The following FDX1 variants were observed in gnomAD, a reference collection of about 807,000 sequenced individuals.
FDX1 encodes adrenodoxin, mitochondrial.
FDX1 carries 9 observed loss-of-function variants against 14.9 expected under a neutral mutation model. The ratio of observed to expected loss-of-function variants is 0.60; its 90% CI spans 0.36 to 1.05. The LOEUF (loss-of-function observed/expected upper bound fraction) is 1.05. Among genes scored for constraint, FDX1 ranks in the 50% least tolerant of loss-of-function variants. The pLI is 0.01. For synonymous variants in FDX1, 92 were observed against 99.4 expected (o/e 0.93, Z 0.44); for missense variants, 204 against 237.2 (o/e 0.86, Z 0.92).
In FDX1 at chr11:110,463,311, A is replaced by G. The variant is rs1327518579; in HGVS notation, c.*843A>G. 6.6e-6 allele frequency: 1 copy of G among 152,254 alleles called. No homozygotes were observed. The highest frequency in any genetic ancestry group is 1.5e-5 in the Non-Finnish European group (1 of 68,052). 9.4% of individuals were successfully genotyped at this position (152,254 alleles called of 1,614,324 possible). The stretch of plus-strand genomic sequence containing the variant: ...TGGAGAAGGGAATGAGCAGGCTGAC[A>G]CGTTGCACAGCCCCAGGTGGCGCCA... On this transcript the variant is annotated 3_prime_UTR_variant, in exon 4 of 4. Coordinates refer to ENST00000260270, the MANE Select transcript of FDX1 (RefSeq NM_004109.5).
chr11:110,454,474 C>T (rs1050019852), intron 2 of FDX1, among the ~76,000 whole-genome samples: 7 of 152,082 alleles, frequency 4.6e-5, no homozygotes, highest in Non-Finnish European at 5.9e-5. Context: ...TATTGTATGG[C>T]GGTACAATAA....
intron 1 of FDX1, among the ~76,000 whole-genome samples, chr11:110,431,139 T>TC (rs1377962543): frequency 6.6e-6 from 1 of 150,724 alleles, no homozygotes; most frequent in Non-Finnish European, 1.5e-5. Context: ...AGCAGCAGCT[T>TC]CTTAGGTTCA....
Position 110,439,288 on chromosome 11 carries a change from C to T in FDX1, c.310+3330C>T, listed in dbSNP as rs1483100796. 4.0e-5 allele frequency among the ~76,000 whole-genome samples: 6 copies of T among 151,740 alleles called. No homozygotes were observed. The East Asian group carries it at 1.2e-3, about 29-fold the overall frequency. ...AGTGCTACTGTCTTAGCTCACTGCA[C>T]CCTTCACCTCCTGGGTTAAAGCAAT... is the stretch of plus-strand genomic sequence containing the variant. On this transcript the variant is annotated intron_variant, in intron 2 of 3. Transcript: ENST00000260270.
chr11:110,450,535 A>T (rs1591252357), intron 2 of FDX1, among the ~76,000 whole-genome samples: 1 of 152,184 alleles, frequency 6.6e-6, no homozygotes, highest in Non-Finnish European at 1.5e-5. Context: ...GTGGCTCGGG[A>T]CTGCTGTAAG....
chr11:110,455,076 G>A (rs1946513579), intron 2 of FDX1, among the ~76,000 whole-genome samples: 1 of 152,194 alleles, frequency 6.6e-6, no homozygotes, highest in South Asian at 2.1e-4. Flanking sequence ...GGGCAATCTC[G>A]GCTCACTGCA....
At chr11:110,444,745 CACGTATATAT>C (rs1946438175) in intron 2 of FDX1, among the ~76,000 whole-genome samples, 1 of 23,754 alleles carries the variant, frequency 4.2e-5, no homozygotes, top group African/African-American at 2.5e-4. Context: ...TATATATATA[CACGTATATAT>C]ATATATATAT....
At chr11:110,438,053 C>G (rs763349318) in intron 2 of FDX1, among the ~76,000 whole-genome samples, 10 of 152,134 alleles carry the variant, frequency 6.6e-5, no homozygotes, top group Non-Finnish European at 1.3e-4. Flanking sequence ...CAGACTGATT[C>G]CATATGTTTG....
At chr11:110,453,154 T>A (rs1021469990) in intron 2 of FDX1, among the ~76,000 whole-genome samples, 4 of 152,084 alleles carry the variant, frequency 2.6e-5, no homozygotes, top group African/African-American at 9.7e-5. Flanking sequence ...CTGGACAACA[T>A]GGTGAAACCC....
chr11:110,461,473 G>A (rs1428289897), intron 3 of FDX1, among the ~76,000 whole-genome samples: 1 of 147,262 alleles, frequency 6.8e-6, no homozygotes, highest in Admixed American at 6.8e-5. Flanking sequence ...CTCCAGCCTG[G>A]GTGACAGAGC....
At chr11:110,461,381 C>T (rs756714158) in intron 3 of FDX1, among the ~76,000 whole-genome samples, 7 of 151,078 alleles carry the variant, frequency 4.6e-5, no homozygotes, top group Admixed American at 6.6e-5. Flanking sequence ...CTGTAGTCCC[C>T]GCTACTTAGG....
intron 2 of FDX1, among the ~76,000 whole-genome samples, chr11:110,454,333 A>G (rs1946508089): frequency 6.6e-6 from 1 of 152,236 alleles, no homozygotes. Context: ...ATGAACAGCT[A>G]GAACAGGTTG....
chr11:110,457,594 A>G (rs1485904656), intron 3 of FDX1, among the ~76,000 whole-genome samples: 2 of 152,146 alleles, frequency 1.3e-5, no homozygotes, highest in African/African-American at 2.4e-5. Context: ...TTTTTTAAAA[A>G]AATTATCTAG....
In FDX1 at chr11:110,464,626, C is replaced by T. The variant is rs182958738; in HGVS notation, c.*2158C>T. ...CAAGATGAGTTTTGGAGGGGACATT[C>T]AAACCATAGCAGTGCTATAATTTTA... is the stretch of plus-strand genomic sequence containing the variant. On this transcript the variant is annotated 3_prime_UTR_variant, in exon 4 of 4. Transcript: ENST00000260270. 28 of 152,276 alleles carry T rather than the reference C, an allele frequency of 1.8e-4. No individual in the cohort carries two copies. The highest frequency in any genetic ancestry group is 6.7e-4 in the African/African-American group (28 of 41,560). 9.4% of individuals were successfully genotyped at this position (152,276 alleles called of 1,614,324 possible).
intron 1 of FDX1, among the ~76,000 whole-genome samples, chr11:110,435,574 A>T (rs1461433335): frequency 6.6e-6 from 1 of 152,196 alleles, no homozygotes; most frequent in African/African-American, 2.4e-5. Flanking sequence ...TCGGCTAGGC[A>T]TGGTGGCTCA....
chr11:110,444,705 C>CGTATATATATATATATAT (rs1946434107), intron 2 of FDX1, among the ~76,000 whole-genome samples: 1 of 36,674 alleles, frequency 2.7e-5, no homozygotes. Flanking sequence ...TATATATATA[C>CGTATATATATATATATAT]GTATATATAT....
intron 2 of FDX1, among the ~76,000 whole-genome samples, chr11:110,452,754 A>G (rs891367031): frequency 3.3e-5 from 5 of 152,232 alleles, no homozygotes; most frequent in Non-Finnish European, 7.4e-5. Flanking sequence ...TTAGCAATGA[A>G]AGGGAGCAAA....
intron 2 of FDX1, among the ~76,000 whole-genome samples, 174 bp from the exon 3 acceptor site, chr11:110,456,744 A>G (rs1264885100): frequency 6.6e-6 from 1 of 151,932 alleles, no homozygotes; most frequent in African/African-American, 2.4e-5. Context: ...TCTGACCTCA[A>G]GTGATCTGCC....
intron 3 of FDX1, 43 bp from the exon 4 acceptor site, chr11:110,462,311 A>ATAT (rs1320037049): frequency 1.8e-6 from 2 of 1,099,624 alleles, no homozygotes; most frequent in African/African-American, 3.1e-5. Flanking sequence ...TTGTGAATAT[A>ATAT]TATACGTAAT....
At chr11:110,446,101 T>A (rs1946448322) in intron 2 of FDX1, among the ~76,000 whole-genome samples, 1 of 152,222 alleles carries the variant, frequency 6.6e-6, no homozygotes, top group Admixed American at 6.5e-5. Flanking sequence ...CAAATCTTTG[T>A]ATTTAAAGAT....
Sources: allele counts gnomAD v4.1 joint callset (sites outside exome capture counted in the v4.1 genomes callset), GRCh38; gene constraint gnomAD v4.1.1; transcripts MANE v1.5; gene names NCBI Gene and HGNC (gene_info 2026-07-23, HGNC 2026-07-21).